Variants in ENOX1 observed in about 807,000 individuals in gnomAD.
The protein encoded by ENOX1 is candidate growth-related and time keeping constitutive hydroquinone (NADH) oxidase.
In ENOX1, 42 loss-of-function variants were observed where a neutral mutation model predicts 82.5. The observed-to-expected ratio is 0.51, with a 90% CI of 0.40 to 0.66. The LOEUF (loss-of-function observed/expected upper bound fraction) is 0.66. Among genes scored for constraint, ENOX1 ranks in the 30% least tolerant of loss-of-function variants. The pLI is 0.00. For missense variants in ENOX1, 608 were observed against 811.6 expected (o/e 0.75, Z 3.05); for synonymous variants, 271 against 282.2 (o/e 0.96, Z 0.40).
At chr13:43,223,958 ACAGCCCTAGTT>A (rs2041912617) in intron 16 of ENOX1, 84 bp downstream of exon 16, 1 of 895,420 alleles carries the variant, frequency 1.1e-6, no homozygotes, top group Admixed American at 2.0e-5. Flanking sequence ...ATAGGCTGCT[ACAGCCCTAGTT>A]CAGTTCATGC....
chr13:43,282,660 G>A (rs528369232), intron 12 of ENOX1, among the ~76,000 whole-genome samples: 2 of 151,968 alleles, frequency 1.3e-5, no homozygotes, highest in South Asian at 4.2e-4. Context: ...CTGGGCTCAA[G>A]GGATCTGCCT....
At position 43,273,303 on chromosome 13, in the gene ENOX1, C is replaced by T. The variant is rs143215525; in HGVS notation, c.1447-3726G>A. 3.5e-3 allele frequency among the ~76,000 whole-genome samples: 534 copies of T among 152,266 alleles called. 3 individuals carry two copies. The highest frequency in any genetic ancestry group is 0.012 in the African/African-American group (507 of 41,526). On this transcript the variant is annotated intron_variant, in intron 12 of 16. Coordinates refer to ENST00000690772, the MANE Select transcript of ENOX1 (RefSeq NM_001347969.2). ...CATAGTAAAGGCTACCATCTCCTCT[C>T]CTCTGGGTTTTTCCTGTTCCCCCTG...
At chr13:43,274,633 T>C (rs999823552) in intron 12 of ENOX1, among the ~76,000 whole-genome samples, 1 of 152,248 alleles carries the variant, frequency 6.6e-6, no homozygotes, top group Non-Finnish European at 1.5e-5. Context: ...GATTGGCTGA[T>C]GGCAGCGTAA....
At chr13:43,518,348 CA>C (rs2077635280) in intron 2 of ENOX1, among the ~76,000 whole-genome samples, 1 of 151,860 alleles carries the variant, frequency 6.6e-6, no homozygotes, top group Non-Finnish European at 1.5e-5. Flanking sequence ...ACCTTACTAC[CA>C]AATTTGTCAT....
Position 43,532,571 on chromosome 13 carries a change from G to A in ENOX1, c.-218-48419C>T, listed in dbSNP as rs75340408. On this transcript the variant is annotated intron_variant, in intron 2 of 16. Coordinates refer to ENST00000690772, the MANE Select transcript of ENOX1 (RefSeq NM_001347969.2). ...AAGGCAGATTTTGATTGTTGATGTA[G>A]TATCAAAGAACAATATCCAAAGTTA... 5.3e-3 allele frequency among the ~76,000 whole-genome samples: 806 copies of A among 152,234 alleles called. 6 individuals carry two copies. The highest frequency in any genetic ancestry group is 0.019 in the African/African-American group (773 of 41,550).
intron 11 of ENOX1, among the ~76,000 whole-genome samples, chr13:43,317,058 C>T (rs1008383616): frequency 1.3e-5 from 2 of 152,212 alleles, no homozygotes; most frequent in Non-Finnish European, 2.9e-5. Context: ...CATGTGAAAA[C>T]AGCTTATCCT....
intron 2 of ENOX1, among the ~76,000 whole-genome samples, chr13:43,607,592 A>AT (rs2082031822): frequency 6.6e-6 from 1 of 152,172 alleles, no homozygotes; most frequent in African/African-American, 2.4e-5. Context: ...ACATTATTAC[A>AT]TATCATCTGA....
chr13:43,328,478 TGG>T (rs754664744), intron 9 of ENOX1, among the ~76,000 whole-genome samples: 37 of 152,160 alleles, frequency 2.4e-4, no homozygotes, highest in Non-Finnish European at 4.7e-4. Context: ...AAGGACAATA[TGG>T]GTTGAGACTG....
intron 12 of ENOX1, among the ~76,000 whole-genome samples, chr13:43,297,642 G>A (rs373930988): frequency 2.0e-5 from 3 of 151,974 alleles, no homozygotes; most frequent in East Asian, 1.9e-4. Context: ...CCCTCCTGTC[G>A]ACATTTTATA....
intron 3 of ENOX1, among the ~76,000 whole-genome samples, chr13:43,415,119 T>G (rs2054364224): frequency 6.6e-6 from 1 of 151,400 alleles, no homozygotes; most frequent in Non-Finnish European, 1.5e-5. Flanking sequence ...ACTGTTCCAC[T>G]GAAAAAAAGC....
chr13:43,430,979 A>G (rs896134469), intron 3 of ENOX1, among the ~76,000 whole-genome samples: 5 of 152,312 alleles, frequency 3.3e-5, no homozygotes, highest in African/African-American at 7.2e-5. Flanking sequence ...CTAAATGTAG[A>G]TCTTTGGGGA....
At chr13:43,223,663 C>G (rs1359750878) in intron 16 of ENOX1, among the ~76,000 whole-genome samples, 1 of 152,026 alleles carries the variant, frequency 6.6e-6, no homozygotes, top group Non-Finnish European at 1.5e-5. Flanking sequence ...ATGATTTTTC[C>G]TCAATTGTGT....
chr13:43,277,807 GA>G (rs1019190109), intron 12 of ENOX1, among the ~76,000 whole-genome samples: 4 of 151,960 alleles, frequency 2.6e-5, no homozygotes, highest in African/African-American at 9.7e-5. Context: ...CAGAGAAAAG[GA>G]AAAAAATCCA....
intron 1 of ENOX1, among the ~76,000 whole-genome samples, chr13:43,683,956 T>C (rs1594396503): frequency 6.6e-6 from 1 of 152,210 alleles, no homozygotes; most frequent in Non-Finnish European, 1.5e-5. Flanking sequence ...AATGAAGATG[T>C]ACATGTCTGT....
rs548435979 is a variant in ENOX1, at chr13:43,649,855, C to T, written c.-219+17624G>A. ...ACAGCCTAAGTCCCAATCCTCTGAG[C>T]TCCAAGCATGGACTAACAAGTCTGA... is the stretch of plus-strand genomic sequence containing the variant. On this transcript the variant is annotated intron_variant, in intron 2 of 16. Coordinates refer to ENST00000690772, the MANE Select transcript of ENOX1 (RefSeq NM_001347969.2). Among the ~76,000 whole-genome samples the T allele has an allele frequency of 7.9e-5, 12 of 152,318 alleles. 1 individual carries two copies. In the South Asian group the frequency reaches 2.3e-3, roughly 29 times the overall value.
intron 12 of ENOX1, 127 bp downstream of exon 12, chr13:43,298,219 A>G (rs1593781189): frequency 1.0e-6 from 1 of 972,606 alleles, no homozygotes; most frequent in Non-Finnish European, 1.5e-6. Context: ...TTTCTGTCCT[A>G]GTAACATAGC....
chr13:43,770,664 C>G (rs960828288), intron 1 of ENOX1, among the ~76,000 whole-genome samples: 1 of 149,462 alleles, frequency 6.7e-6, no homozygotes, highest in African/African-American at 2.5e-5. Context: ...TTTACTTTAT[C>G]TGCATATAGT....
At chr13:43,222,498 C>T (rs372259101) in intron 16 of ENOX1, among the ~76,000 whole-genome samples, 1 of 152,088 alleles carries the variant, frequency 6.6e-6, no homozygotes, top group African/African-American at 2.4e-5. Flanking sequence ...CTTTGATAAA[C>T]GACAAGTGGA....
At chr13:43,549,655 T>C (rs1185197722) in intron 2 of ENOX1, among the ~76,000 whole-genome samples, 1 of 152,244 alleles carries the variant, frequency 6.6e-6, no homozygotes, top group African/African-American at 2.4e-5. Context: ...ATATACTAAC[T>C]GCATCAGTAG....
Sources: gnomAD v4.1 joint callset for allele counts (sites outside exome capture counted in the v4.1 genomes callset) on GRCh38, gnomAD v4.1.1 for gene constraint, MANE v1.5 for transcripts, NCBI Gene and HGNC (gene_info 2026-07-23, HGNC 2026-07-21) for gene names.